The following RASSF3 variants were observed in gnomAD, a reference collection of about 807,000 sequenced individuals.
RASSF3 encodes the protein ras association domain-containing protein 3.
A neutral mutation model predicts 19.9 loss-of-function variants in RASSF3; 19 were observed. That is an observed-to-expected ratio of 0.96 (90% CI 0.67 to 1.40). The LOEUF (loss-of-function observed/expected upper bound fraction) is 1.40. RASSF3 is among the 40% of genes most tolerant of loss of function. The pLI, the probability that RASSF3 is intolerant of heterozygous loss-of-function variation, is 0.00. For synonymous variants in RASSF3, 110 were observed against 104.2 expected (o/e 1.06, Z -0.34); for missense variants, 306 against 289.8 (o/e 1.06, Z -0.41).
chr12:64,557,266 C>A (rs1215435674), intron 2 of RASSF3, among the ~76,000 whole-genome samples: 4 of 152,132 alleles, frequency 2.6e-5, no homozygotes, highest in Non-Finnish European at 5.9e-5. Context: ...TGTTTTGAGA[C>A]TGGGGGTTGC....
chr12:64,611,360 T>G (rs1870358359), intron 1 of RASSF3: 1 of 152,276 alleles, frequency 6.6e-6, no homozygotes, highest in African/African-American at 2.4e-5. Flanking sequence ...CCCAGATGTT[T>G]TGCAAACAAG....
chr12:64,557,833 G>A (rs75101639), intron 2 of RASSF3, among the ~76,000 whole-genome samples: 140 of 152,252 alleles, frequency 9.2e-4, no homozygotes, highest in African/African-American at 3.2e-3. Flanking sequence ...TATAATGCAC[G>A]ATATGACCAG....
intron 3 of RASSF3, 110 bp from the exon 4 acceptor site, chr12:64,691,360 G>C: frequency 1.4e-6 from 1 of 718,872 alleles, no homozygotes; most frequent in Admixed American, 2.1e-5. Context: ...CGACTTAGAG[G>C]CTGGGGTAAC....
At chr12:64,682,894 C>A (rs1019839580) in intron 1 of RASSF3, among the ~76,000 whole-genome samples, 1 of 152,166 alleles carries the variant, frequency 6.6e-6, no homozygotes, top group African/African-American at 2.4e-5. Flanking sequence ...TGTGTTGAAT[C>A]TGATTATGCA....
At chr12:64,594,165 T>C (rs759373997) in intron 2 of RASSF3, among the ~76,000 whole-genome samples, 1 of 151,902 alleles carries the variant, frequency 6.6e-6, no homozygotes, top group East Asian at 1.9e-4. Flanking sequence ...AGACCCCATC[T>C]CTACAAAAAA....
chr12:64,630,136 T>C (rs1871128356), intron 1 of RASSF3, among the ~76,000 whole-genome samples: 1 of 152,126 alleles, frequency 6.6e-6, no homozygotes, highest in Non-Finnish European at 1.5e-5. Context: ...ATTCCACTCA[T>C]GTAAGCACTC....
chr12:64,544,766 T>C (rs1869023878), downstream of RASSF3, among the ~76,000 whole-genome samples: 1 of 152,220 alleles, frequency 6.6e-6, no homozygotes, highest in South Asian at 2.1e-4. Context: ...CATATGGTAA[T>C]GAAACTAATT....
intron 1 of RASSF3, among the ~76,000 whole-genome samples, chr12:64,661,496 C>T (rs988681801): frequency 4.0e-5 from 6 of 151,708 alleles, no homozygotes; most frequent in African/African-American, 1.2e-4. Flanking sequence ...AAAAAAGGGG[C>T]GCAGGGGGTT....
chr12:64,507,556 A>C, intron 1 of RASSF3: 1 of 338,712 alleles, frequency 3.0e-6, no homozygotes, highest in Non-Finnish European at 5.3e-6. Flanking sequence ...TTACAATCCA[A>C]TTGTATGCTT....
At chr12:64,666,935 T>C (rs1445669124) in intron 1 of RASSF3, among the ~76,000 whole-genome samples, 2 of 152,112 alleles carry the variant, frequency 1.3e-5, no homozygotes, top group Admixed American at 6.5e-5. Context: ...CCCATGAAAA[T>C]TGAGAAGTGG....
At chr12:64,641,414 A>ACACACACACACACGCGCGCGCGCG in intron 1 of RASSF3, among the ~76,000 whole-genome samples, 42 of 142,186 alleles carry the variant, frequency 3.0e-4, no homozygotes, top group African/African-American at 1.1e-3. Flanking sequence ...ACACACACAC[A>ACACACACACACACGCGCGCGCGCG]CGCGCGCGCG....
intron 1 of RASSF3, among the ~76,000 whole-genome samples, chr12:64,631,866 T>C (rs574602117): frequency 6.6e-6 from 1 of 152,150 alleles, no homozygotes; most frequent in Admixed American, 6.6e-5. Flanking sequence ...AGAGCCACCA[T>C]ACCCGGCCTG....
intron 2 of RASSF3, among the ~76,000 whole-genome samples, chr12:64,598,003 T>C (rs111324059): frequency 0.047 from 7,194 of 152,220 alleles, 575 homozygotes; most frequent in African/African-American, 0.16. Context: ...CTGCAACCTC[T>C]GCCTCCCGGG....
At chr12:64,688,933 C>T (rs771942104) in intron 3 of RASSF3, among the ~76,000 whole-genome samples, 10 of 152,170 alleles carry the variant, frequency 6.6e-5, no homozygotes, top group African/African-American at 9.7e-5. Flanking sequence ...CTGATGGAAA[C>T]GGCCCAGCCC....
intron 3 of RASSF3, among the ~76,000 whole-genome samples, chr12:64,690,655 A>AAT (rs1555217186): frequency 6.9e-6 from 1 of 144,932 alleles, no homozygotes; most frequent in Non-Finnish European, 1.5e-5. Flanking sequence ...AGAAAAAAAA[A>AAT]TTTTTTTTTT....
intron 1 of RASSF3, among the ~76,000 whole-genome samples, chr12:64,616,209 C>G (rs1381128070): frequency 6.6e-6 from 1 of 152,144 alleles, no homozygotes; most frequent in Non-Finnish European, 1.5e-5. Context: ...TATAAAGCCT[C>G]ATATTTGAGT....
At chr12:64,569,607 T>C (rs1869485604) in intron 2 of RASSF3, among the ~76,000 whole-genome samples, 1 of 152,192 alleles carries the variant, frequency 6.6e-6, no homozygotes, top group Admixed American at 6.5e-5. Flanking sequence ...AGAATACGAG[T>C]ATCTTAAAGT....
downstream of RASSF3, among the ~76,000 whole-genome samples, chr12:64,543,370 G>T (rs1414206808): frequency 1.6e-5 from 2 of 126,812 alleles, no homozygotes; most frequent in African/African-American, 5.3e-5. Context: ...GCCTCCCCAC[G>T]GGGCAGGGCT....
chr12:64,672,706 A>G (rs1872740215), intron 1 of RASSF3, among the ~76,000 whole-genome samples: 1 of 151,894 alleles, frequency 6.6e-6, no homozygotes, highest in Non-Finnish European at 1.5e-5. Context: ...GACGGTGGGG[A>G]GGCTCTTGCT....
Sources: gnomAD v4.1 joint callset for allele counts (sites outside exome capture counted in the v4.1 genomes callset) on GRCh38, gnomAD v4.1.1 for gene constraint, MANE v1.5 for transcripts, NCBI Gene and HGNC (gene_info 2026-07-23, HGNC 2026-07-21) for gene names.